Variants in ANKRD1 observed in about 807,000 individuals in gnomAD.
The protein encoded by ANKRD1 is ankyrin repeat domain-containing protein 1.
In ANKRD1, 32 loss-of-function variants were observed where a neutral mutation model predicts 40.1. The ratio of observed to expected loss-of-function variants is 0.80; its 90% CI spans 0.60 to 1.07. The LOEUF is 1.07. Among genes scored for constraint, ANKRD1 ranks in the 50% least tolerant of loss-of-function variants. The pLI, the probability that ANKRD1 is intolerant of heterozygous loss-of-function variation, is 0.00. For synonymous variants in ANKRD1, 149 were observed against 141.2 expected, an observed-to-expected ratio of 1.06 and a Z score of -0.39; for missense variants, 359 against 386.0, an observed-to-expected ratio of 0.93 and a Z score of 0.59.
intron 8 of ANKRD1, among the ~76,000 whole-genome samples, chr10:90,913,992 G>A (rs953698643): frequency 6.6e-6 from 1 of 152,186 alleles, no homozygotes; most frequent in Non-Finnish European, 1.5e-5. Context: ...TAGGCCATCT[G>A]CCCGGCACAG....
At chr10:90,913,190 C>T (rs1319658085) in intron 8 of ANKRD1, among the ~76,000 whole-genome samples, 4 of 152,214 alleles carry the variant, frequency 2.6e-5, no homozygotes, top group Admixed American at 6.5e-5. Flanking sequence ...ATCTTTTTCA[C>T]GTGGGACCAT....
intron 4 of ANKRD1, among the ~76,000 whole-genome samples, 185 bp downstream of exon 4, chr10:90,918,680 G>T (rs1847397825): frequency 6.6e-6 from 1 of 152,014 alleles, no homozygotes; most frequent in Non-Finnish European, 1.5e-5. Flanking sequence ...CCGTATCACT[G>T]ATCTAATATC....
intron 4 of ANKRD1, 57 bp downstream of exon 4, chr10:90,918,808 G>T: frequency 7.4e-7 from 1 of 1,356,724 alleles, no homozygotes; most frequent in Non-Finnish European, 1.0e-6. Context: ...CTGGAGTAAA[G>T]CATAAGAAAC....
chr10:90,916,043 T>C (rs1389268517), intron 6 of ANKRD1, 128 bp downstream of exon 6: 2 of 373,436 alleles, frequency 5.4e-6, no homozygotes, highest in Admixed American at 3.2e-5. Flanking sequence ...GATGGAGGGG[T>C]GGGGGAGGAG....
intron 1 of ANKRD1, among the ~76,000 whole-genome samples, 156 bp downstream of exon 1, chr10:90,920,845 T>TCCAATTTCAC (rs2120275028): frequency 6.6e-6 from 1 of 152,214 alleles, no homozygotes; most frequent in Admixed American, 6.5e-5. Context: ...ATTTTTTTTT[T>TCCAATTTCAC]CCAATTTCAC....
At chr10:90,915,436 C>A (rs1302578094) in intron 8 of ANKRD1, 107 bp downstream of exon 8, 2 of 967,938 alleles carry the variant, frequency 2.1e-6, no homozygotes, top group Non-Finnish European at 1.6e-6. Flanking sequence ...TTTAGACCAT[C>A]GAAGACCCCT....
Position 90,918,987 on chromosome 10 carries a change from A to ATATATATATATATATATATATATATATAT in ANKRD1, c.346-16_346-15insATATATATATATATATATATATATATATA, listed in dbSNP as rs60923931. 2.4e-4 allele frequency: 48 copies of ATATATATATATATATATATATATATATAT among 198,672 alleles called. No homozygotes were observed. The highest frequency in any genetic ancestry group is 5.8e-4 in the African/African-American group (15 of 26,014). The allele number at this position is 198,672 out of a possible 1,614,324, so 12.3% of individuals were successfully genotyped here. A position where few individuals can be genotyped will look rare whatever the true frequency, so the allele number is the denominator to read the frequency against. On this transcript the variant is annotated splice_polypyrimidine_tract_variant and intron_variant, in intron 3 of 8. Transcript: ENST00000371697. ...ACAGGTTCCGTCTAAAGCCAAAATAAATAAATATATATATATATATATATA... is the reference window on the plus strand; with the variant it reads ...ACAGGTTCCGTCTAAAGCCAAAATAATATATATATATATATATATATATATATATATAAATATATATATATATATATATA...
At chr10:90,920,647 T>TA (rs752787471) in intron 1 of ANKRD1, among the ~76,000 whole-genome samples, 1 of 152,248 alleles carries the variant, frequency 6.6e-6, no homozygotes, top group Non-Finnish European at 1.5e-5. Context: ...TCTGCTTAAT[T>TA]AAAACTCAAC....
At chr10:90,913,109 A>T in intron 8 of ANKRD1, 133 bp from the exon 9 acceptor site, 1 of 852,554 alleles carries the variant, frequency 1.2e-6, no homozygotes, top group South Asian at 1.4e-5. Flanking sequence ...ACCAGGAGTG[A>T]TCTGCAGTTT....
chr10:90,912,724 G>A lies in ANKRD1; in HGVS notation c.*142C>T. The A allele has an allele frequency of 1.4e-5, 11 of 801,658 alleles. No individual in the cohort carries two copies. In the South Asian group the frequency reaches 1.4e-4, roughly 10 times the overall value. 49.7% of individuals were successfully genotyped at this position (801,658 alleles called of 1,614,324 possible). ...AGGAAATTTAAACACCTATAACCCTGTGCTTTCTCAAAACTTCATTAGGTA... is the reference window on the plus strand; with the variant it reads ...AGGAAATTTAAACACCTATAACCCTATGCTTTCTCAAAACTTCATTAGGTA... On this transcript the variant is annotated 3_prime_UTR_variant, in exon 9 of 9. Coordinates refer to ENST00000371697, the MANE Select transcript of ANKRD1 (RefSeq NM_014391.3).
rs535940967 is a variant in ANKRD1 at position 90,919,362 on chromosome 10, CAT to C, written c.208-96_208-95del. On this transcript the variant is annotated intron_variant, in intron 2 of 8. Transcript: ENST00000371697. Reference sequence around the variant, plus strand: ...CTAAATCTGCAAGGTCTGAGATAAACATGTGAACAGTTTGAGCAAAAACATTT... The same window carrying C: ...CTAAATCTGCAAGGTCTGAGATAAACGTGAACAGTTTGAGCAAAAACATTT... The C allele has an allele frequency of 2.6e-4, 288 of 1,116,212 alleles. 1 individual carries two copies. The highest frequency in any genetic ancestry group is 1.5e-3 in the African/African-American group (94 of 62,708). The allele number at this position is 1,116,212 out of a possible 1,614,324, so 69.1% of individuals were successfully genotyped here. A position where few individuals can be genotyped will look rare whatever the true frequency, so the allele number is the denominator to read the frequency against.
intron 8 of ANKRD1, among the ~76,000 whole-genome samples, chr10:90,914,344 C>T (rs1425888962): frequency 6.6e-6 from 1 of 152,130 alleles, no homozygotes; most frequent in African/African-American, 2.4e-5. Flanking sequence ...CCTTGCACTT[C>T]TCTCCATTGA....
At chr10:90,916,644 T>TA (rs1022306591) in intron 5 of ANKRD1, among the ~76,000 whole-genome samples, 1 of 152,088 alleles carries the variant, frequency 6.6e-6, no homozygotes, top group Non-Finnish European at 1.5e-5. Flanking sequence ...TCCAAAAAGT[T>TA]CAAGTTTCTA....
At chr10:90,914,805 T>C (rs958035979) in intron 8 of ANKRD1, among the ~76,000 whole-genome samples, 1 of 148,118 alleles carries the variant, frequency 6.8e-6, no homozygotes, top group East Asian at 2.1e-4. Flanking sequence ...CCTGTTCCTC[T>C]GGGCAATATT....
Position 90,915,600 on chromosome 10 carries a change from G to A in ANKRD1, c.792C>T (p.Arg264=), listed in dbSNP as rs752304055. The part of the protein sequence containing the change: ...TPLHDAVRLN[R]YKMIRLLIMY... The stretch of plus-strand genomic sequence containing the variant: ...TAATCAGGAGTCGGATCATCTTATA[G>A]CGGTTCAGTCTCACCGCATCATGCA... The change falls in exon 8 of 9, where the codon CGC becomes CGT. Residue 264 remains arginine (R), a synonymous_variant. Transcript: ENST00000371697. The A allele has an allele frequency of 8.1e-6, 13 of 1,614,032 alleles. No individual in the cohort carries two copies. Among genetic ancestry groups the A allele is most frequent in the Non-Finnish European group, 1.1e-5 (13 of 1,179,988 alleles).
chr10:90,913,070 A>G, intron 8 of ANKRD1, 94 bp from the exon 9 acceptor site: 1 of 1,142,254 alleles, frequency 8.8e-7, no homozygotes. Flanking sequence ...AGGATTAGGT[A>G]TATGTTATAA....
chr10:90,918,195 AG>A (rs1253895546), intron 4 of ANKRD1, among the ~76,000 whole-genome samples: 2 of 152,210 alleles, frequency 1.3e-5, no homozygotes, highest in Non-Finnish European at 2.9e-5. Context: ...GACTGTTGCT[AG>A]ACTATCAAAA....
chr10:90,915,651 C>T lies in ANKRD1; in HGVS notation c.751-10G>A, dbSNP rs751970364. The stretch of plus-strand genomic sequence containing the variant: ...ACGGGGTATCTCCTTCCTAGAGAAG[C>T]AGAGTCAACAGGTTCAAGGTGGGTC... On this transcript the variant is annotated splice_polypyrimidine_tract_variant and intron_variant, in intron 7 of 8. Transcript: ENST00000371697. 6.2e-7 allele frequency: 1 copy of T among 1,612,620 alleles called. No individual in the cohort carries two copies. Among genetic ancestry groups the T allele is most frequent in the African/African-American group, 1.3e-5 (1 of 74,996 alleles).
intron 4 of ANKRD1, 94 bp from the exon 5 acceptor site, chr10:90,917,924 C>G (rs1433974689): frequency 2.0e-6 from 2 of 1,001,100 alleles, no homozygotes; most frequent in African/African-American, 1.6e-5. Flanking sequence ...TTCTGATGAC[C>G]TAACTGATAG....
Sources: gnomAD v4.1 joint callset for allele counts (sites outside exome capture counted in the v4.1 genomes callset) on GRCh38, gnomAD v4.1.1 for gene constraint, MANE v1.5 for transcripts, NCBI Gene and HGNC (gene_info 2026-07-23, HGNC 2026-07-21) for gene names.